MMP26: variants seen among roughly 807,000 people sequenced by gnomAD.
MMP26 encodes the protein matrix metallopeptidase 26, also known as matrix metalloproteinase-26.
A neutral mutation model predicts 31.0 loss-of-function variants in MMP26; 33 were observed. The ratio of observed to expected loss-of-function variants is 1.06; its 90% CI spans 0.81 to 1.42. MMP26 has a LOEUF of 1.42. Ranked by LOEUF, MMP26 falls within the 40% of genes most tolerant of loss-of-function variation. MMP26 has a pLI of 0.00. For missense variants in MMP26, 347 were observed against 316.1 expected, an observed-to-expected ratio of 1.10 and a Z score of -0.74; for synonymous variants, 122 against 114.9, an observed-to-expected ratio of 1.06 and a Z score of -0.40.
intron 2 of MMP26, among the ~76,000 whole-genome samples, chr11:4,963,297 T>C (rs551059033): frequency 6.6e-6 from 1 of 152,246 alleles, no homozygotes; most frequent in East Asian, 1.9e-4. Flanking sequence ...ATCATGAAAA[T>C]GGCCATACTG....
At chr11:4,864,700 A>C (rs1042226166) in intron 2 of MMP26, among the ~76,000 whole-genome samples, 3 of 152,104 alleles carry the variant, frequency 2.0e-5, no homozygotes, top group African/African-American at 7.2e-5. Context: ...AACTAAAAAC[A>C]CACAAAATGC....
At chr11:4,904,920 A>G (rs1850860225) in intron 2 of MMP26, among the ~76,000 whole-genome samples, 1 of 152,106 alleles carries the variant, frequency 6.6e-6, no homozygotes, top group South Asian at 2.1e-4. Context: ...TTTAACATGG[A>G]GTAGTCAATG....
At chr11:4,832,904 C>A in intron 2 of MMP26, 1 of 197,234 alleles carries the variant, frequency 5.1e-6, no homozygotes, top group African/African-American at 2.3e-5. Flanking sequence ...CCATCATCAC[C>A]TTGGCTACCA....
At chr11:4,749,975 A>G (rs1405693809) in intron 1 of MMP26, among the ~76,000 whole-genome samples, 4 of 152,076 alleles carry the variant, frequency 2.6e-5, no homozygotes, top group Non-Finnish European at 2.9e-5. Context: ...AAAGAAATTA[A>G]TCAACAGAGT....
intron 2 of MMP26, among the ~76,000 whole-genome samples, chr11:4,941,307 C>G (rs1264830532): frequency 6.6e-6 from 1 of 152,174 alleles, no homozygotes; most frequent in Non-Finnish European, 1.5e-5. Context: ...CAGTGTAAAT[C>G]ATATCCAATT....
intron 2 of MMP26, chr11:4,833,204 A>C (rs1160644604): frequency 1.3e-5 from 2 of 152,190 alleles, no homozygotes; most frequent in African/African-American, 2.4e-5. Context: ...TAATTGTTCA[A>C]TCAACTAATC....
intron 2 of MMP26, among the ~76,000 whole-genome samples, chr11:4,801,461 A>G (rs2133451899): frequency 1.3e-5 from 2 of 151,822 alleles, no homozygotes; most frequent in South Asian, 4.2e-4. Flanking sequence ...ACATGGCAGG[A>G]GTGGGAATGA....
intron 2 of MMP26, chr11:4,908,039 A>G (rs1405051934): frequency 6.2e-6 from 10 of 1,614,016 alleles, no homozygotes; most frequent in Admixed American, 3.3e-5. Flanking sequence ...CTTGAAGACT[A>G]TACTCAGCAT....
chr11:4,916,213 G>T (rs1320510505), intron 2 of MMP26, among the ~76,000 whole-genome samples: 2 of 151,646 alleles, frequency 1.3e-5, no homozygotes, highest in African/African-American at 2.4e-5. Flanking sequence ...TGGCACTGTG[G>T]GTTGGCAGTG....
chr11:4,836,437 A>T (rs1256626666), intron 2 of MMP26, among the ~76,000 whole-genome samples: 2 of 150,518 alleles, frequency 1.3e-5, no homozygotes, highest in African/African-American at 4.9e-5. Flanking sequence ...ACACAATATT[A>T]TATATACATA....
At chr11:4,740,025 A>G (rs977054235) in intron 1 of MMP26, among the ~76,000 whole-genome samples, 3 of 152,224 alleles carry the variant, frequency 2.0e-5, no homozygotes, top group African/African-American at 7.2e-5. Flanking sequence ...TATGGATTAT[A>G]GTGAGTATGG....
Position 4,923,498 on chromosome 11 carries a change from A to G in MMP26, c.-144-64570A>G, listed in dbSNP as rs79536656. On this transcript the variant is annotated intron_variant, in intron 2 of 7. Coordinates refer to ENST00000380390, the MANE Select transcript of MMP26 (RefSeq NM_021801.5). ...CATAAGGGGTGGTACCAGCAGATACACATAGGACATGAAGAGGTGTACAAC... is the reference window on the plus strand; with the variant it reads ...CATAAGGGGTGGTACCAGCAGATACGCATAGGACATGAAGAGGTGTACAAC... 3.8e-3 allele frequency: 6,139 copies of G among 1,614,128 alleles called. 151 individuals are homozygous for G. The African/African-American group carries it at 0.059, about 16-fold the overall frequency.
intron 2 of MMP26, chr11:4,943,894 T>A (rs1352033661): frequency 2.2e-6 from 1 of 445,034 alleles, no homozygotes; most frequent in Non-Finnish European, 4.5e-6. Context: ...TCTTTGATAC[T>A]CTTTTATGTG....
intron 2 of MMP26, among the ~76,000 whole-genome samples, chr11:4,959,776 C>G (rs1419285062): frequency 6.6e-6 from 1 of 152,096 alleles, no homozygotes; most frequent in Non-Finnish European, 1.5e-5. Context: ...TATAATCAGC[C>G]CTAACTTGTT....
chr11:4,759,111 CAAAAAAAAAAAAAAAA>C (rs989730402), intron 1 of MMP26, among the ~76,000 whole-genome samples: 1 of 43,208 alleles, frequency 2.3e-5, no homozygotes, highest in Admixed American at 2.4e-4. Context: ...CATTCCATCT[CAAAAAAAAAAAAAAAA>C]AAAAAAAAGA....
chr11:4,919,478 T>C (rs1851149800), intron 2 of MMP26: 2 of 152,152 alleles, frequency 1.3e-5, no homozygotes, highest in South Asian at 4.2e-4. Flanking sequence ...CTGGACCTCA[T>C]TACCTCAGAC....
intron 1 of MMP26, among the ~76,000 whole-genome samples, chr11:4,747,107 C>T (rs1157529914): frequency 6.6e-6 from 1 of 152,076 alleles, no homozygotes; most frequent in African/African-American, 2.4e-5. Context: ...CAAGTGGACC[C>T]TGAGGAAGTA....
intron 2 of MMP26, among the ~76,000 whole-genome samples, chr11:4,881,563 AG>A (rs1235134060): frequency 1.3e-5 from 2 of 152,154 alleles, no homozygotes; most frequent in Non-Finnish European, 2.9e-5. Context: ...CAAGTATAAA[AG>A]GATATTAAAA....
intron 2 of MMP26, among the ~76,000 whole-genome samples, chr11:4,953,857 A>T (rs7107125): frequency 0.39 from 48,386 of 122,836 alleles, 17,138 homozygotes; most frequent in South Asian, 0.54. Context: ...TTTGAGACCA[A>T]CCTGGCCAAC....
Sources: allele counts gnomAD v4.1 joint callset (sites outside exome capture counted in the v4.1 genomes callset), GRCh38; gene constraint gnomAD v4.1.1; transcripts MANE v1.5; gene names NCBI Gene and HGNC (gene_info 2026-07-23, HGNC 2026-07-21).